The following VWA3B variants were observed in gnomAD, a reference collection of about 807,000 sequenced individuals.
The protein encoded by VWA3B is von Willebrand factor A domain containing 3B, also known as von Willebrand factor A domain-containing protein 3B.
Under a neutral mutation model 158.3 loss-of-function variants are expected in VWA3B, and 138 were observed. The ratio of observed to expected loss-of-function variants is 0.87; its 90% CI spans 0.76 to 1.00. The LOEUF is 1.00. VWA3B is among the 50% of genes least tolerant of loss of function. VWA3B has a pLI of 0.00. For missense variants in VWA3B, 1,555 were observed against 1,565.1 expected (o/e 0.99, Z 0.11); for synonymous variants, 596 against 587.3 (o/e 1.01, Z -0.21).
chr2:98,174,349 G>C (rs1018991623), intron 8 of VWA3B, among the ~76,000 whole-genome samples: 1 of 152,152 alleles, frequency 6.6e-6, no homozygotes, highest in African/African-American at 2.4e-5. Context: ...GCCACTGGAG[G>C]GGGCAGGATG....
chr2:98,170,197 G>A (rs148010668), intron 8 of VWA3B, among the ~76,000 whole-genome samples: 174 of 152,278 alleles, frequency 1.1e-3, no homozygotes, highest in South Asian at 2.1e-3. Context: ...ACCCTTCTTT[G>A]ATGATGCTGC....
intron 7 of VWA3B, among the ~76,000 whole-genome samples, chr2:98,155,426 G>A (rs1386223939): frequency 6.6e-6 from 1 of 152,192 alleles, no homozygotes; most frequent in Non-Finnish European, 1.5e-5. Flanking sequence ...GCGGTGGGGA[G>A]CTTTGGAGAC....
the VWA3B span, among the ~76,000 whole-genome samples, chr2:98,328,332 G>T: frequency 6.6e-6 from 1 of 152,078 alleles, no homozygotes; most frequent in Non-Finnish European, 1.5e-5. Flanking sequence ...GTTAAACATT[G>T]TACTGAGCAA....
At chr2:98,103,341 G>T (rs139762752) in intron 2 of VWA3B, among the ~76,000 whole-genome samples, 147 of 151,912 alleles carry the variant, frequency 9.7e-4, no homozygotes, top group Non-Finnish European at 1.7e-3. Flanking sequence ...AGCTTGATTT[G>T]CATTCCTTTT....
rs1319662087 is a variant in VWA3B at position 98,128,224 on chromosome 2, A to G, written c.703-15A>G. On this transcript the variant is annotated splice_polypyrimidine_tract_variant and intron_variant, in intron 5 of 27. Transcript: ENST00000477737. ...CATGTGAGGGAGATAAACCGTTGGC[A>G]CCACTGTTTTGCAGATTGAATCCAT... 2 of 1,613,022 alleles carry G rather than the reference A, an allele frequency of 1.2e-6. No homozygotes were observed. Among genetic ancestry groups the G allele is most frequent in the Non-Finnish European group, 1.7e-6 (2 of 1,179,096 alleles).
intron 6 of VWA3B, among the ~76,000 whole-genome samples, chr2:98,131,364 G>A (rs1003951194): frequency 6.6e-6 from 1 of 152,168 alleles, no homozygotes; most frequent in African/African-American, 2.4e-5. Flanking sequence ...TGGACACTTA[G>A]GTTGATTCCG....
intron 23 of VWA3B, chr2:98,290,851 T>C: frequency 2.3e-6 from 1 of 434,306 alleles, no homozygotes. Context: ...TAATTTCTCA[T>C]TTTTTAGTAA....
chr2:98,159,819 A>ACCAGCCTGT (rs1474880005), intron 7 of VWA3B, among the ~76,000 whole-genome samples: 1 of 151,580 alleles, frequency 6.6e-6, no homozygotes, highest in African/African-American at 2.4e-5. Flanking sequence ...GGAGTTCAAG[A>ACCAGCCTGT]CCAGCCTGTC....
intron 19 of VWA3B, among the ~76,000 whole-genome samples, chr2:98,237,634 C>T (rs1479289426): frequency 6.6e-6 from 1 of 152,130 alleles, no homozygotes; most frequent in Non-Finnish European, 1.5e-5. Flanking sequence ...TCCAGTGGAA[C>T]GGCATTACTG....
At chr2:98,179,786 TTTTCTTTCTTTCTTTCTTTCTTTC>T (rs202210762) in intron 8 of VWA3B, among the ~76,000 whole-genome samples, 11 of 116,662 alleles carry the variant, frequency 9.4e-5, no homozygotes, top group African/African-American at 1.8e-4. Flanking sequence ...TTTCTCTTTC[TTTTCTTTCTTTCTTTCTTTCTTTC>T]TTTCTTTCTT....
intron 22 of VWA3B, among the ~76,000 whole-genome samples, chr2:98,275,841 A>C (rs1688489956): frequency 6.6e-6 from 1 of 152,214 alleles, no homozygotes; most frequent in African/African-American, 2.4e-5. Flanking sequence ...GCCAATTTGC[A>C]GTGGGTAGAA....
intron 20 of VWA3B, among the ~76,000 whole-genome samples, chr2:98,254,903 T>G (rs538067116): frequency 6.6e-6 from 1 of 152,300 alleles, no homozygotes; most frequent in South Asian, 2.1e-4. Flanking sequence ...ACCCGAAATG[T>G]GTCCTCTGAG....
At position 98,259,877 on chromosome 2, in the gene VWA3B, ACTT is replaced by A. The variant is rs1231377721; in HGVS notation, c.2843+3709_2843+3711del. On this transcript the variant is annotated intron_variant, in intron 21 of 27. Transcript: ENST00000477737. ...TTAATGAGGAATTTACAGTCATAAA[ACTT>A]CTTCTGAGCACTGGCTTTGCTGCAC... 6.6e-5 allele frequency among the ~76,000 whole-genome samples: 10 copies of A among 151,500 alleles called. No individual in the cohort carries two copies. In the South Asian group the frequency reaches 1.7e-3, roughly 25 times the overall value.
At chr2:98,251,036 T>C (rs1009930308) in intron 20 of VWA3B, among the ~76,000 whole-genome samples, 1 of 152,058 alleles carries the variant, frequency 6.6e-6, no homozygotes, top group Non-Finnish European at 1.5e-5. Flanking sequence ...AGTTGGAGGC[T>C]GCAGTGAACT....
At chr2:98,280,465 C>T (rs1472191277) in intron 22 of VWA3B, among the ~76,000 whole-genome samples, 1 of 152,064 alleles carries the variant, frequency 6.6e-6, no homozygotes, top group Non-Finnish European at 1.5e-5. Flanking sequence ...TTCTCCACAC[C>T]CCGGTGCTGC....
At position 98,312,180 on chromosome 2, in the gene VWA3B, G is replaced by A; in HGVS notation, c.3736-20G>A. 1 of 1,614,108 alleles carries A rather than the reference G, an allele frequency of 6.2e-7. No individual in the cohort carries two copies. Among genetic ancestry groups the A allele is most frequent in the Non-Finnish European group, 8.5e-7 (1 of 1,180,028 alleles). ...AAAGACCCTAACATCCTTAAGTAAT[G>A]CTGAACTCTGCTTCCCCAGACAGCC... On this transcript the variant is annotated intron_variant, in intron 27 of 27. Coordinates refer to ENST00000477737, the MANE Select transcript of VWA3B (RefSeq NM_144992.5).
intron 2 of VWA3B, among the ~76,000 whole-genome samples, chr2:98,094,856 A>G (rs1242706036): frequency 6.6e-6 from 1 of 152,160 alleles, no homozygotes; most frequent in Non-Finnish European, 1.5e-5. Flanking sequence ...AGTTTTCTCA[A>G]TACCTTTTAT....
intron 12 of VWA3B, among the ~76,000 whole-genome samples, chr2:98,205,699 C>T (rs1682959825): frequency 6.6e-6 from 1 of 152,080 alleles, no homozygotes; most frequent in Admixed American, 6.6e-5. Flanking sequence ...GTTGGTACAT[C>T]CCACAAATTT....
rs77245446 is a variant in VWA3B at position 98,134,284 on chromosome 2, C to T, written c.988+345C>T. ...TGGGAGGCTGCAGAGAGGGTGCCTG[C>T]GGTTCTTGAGGGGGTTTCTGCTGTC... On this transcript the variant is annotated intron_variant, in intron 7 of 27. Coordinates refer to ENST00000477737, the MANE Select transcript of VWA3B (RefSeq NM_144992.5). 9.5e-3 allele frequency among the ~76,000 whole-genome samples: 1,449 copies of T among 152,262 alleles called. 40 individuals are homozygous for T. The highest frequency in any genetic ancestry group is 0.033 in the African/African-American group (1,383 of 41,550).
Sources: allele counts gnomAD v4.1 joint callset (sites outside exome capture counted in the v4.1 genomes callset), GRCh38; gene constraint gnomAD v4.1.1; transcripts MANE v1.5; gene names NCBI Gene and HGNC (gene_info 2026-07-23, HGNC 2026-07-21).